Variants in SLC9A9 observed in about 807,000 individuals in gnomAD.
SLC9A9 encodes solute carrier family 9 member A9.
SLC9A9 carries 62 observed loss-of-function variants against 77.8 expected under a neutral mutation model. That is an observed-to-expected ratio of 0.80 (90% confidence interval 0.65 to 0.98). The LOEUF is 0.98. SLC9A9 is among the 50% of genes least tolerant of loss of function. SLC9A9 has a pLI of 0.00. For synonymous variants in SLC9A9, 320 were observed against 283.5 expected (o/e 1.13, Z -1.29); for missense variants, 775 against 774.9 (o/e 1.00, Z 0.00).
intron 6 of SLC9A9, among the ~76,000 whole-genome samples, chr3:143,581,310 C>T (rs2037448315): frequency 6.6e-6 from 1 of 152,108 alleles, no homozygotes; most frequent in Admixed American, 6.5e-5. Flanking sequence ...GGTGAGGCAG[C>T]ATTACTCAGA....
chr3:143,333,096 T>C (rs1257481487), intron 14 of SLC9A9, among the ~76,000 whole-genome samples: 1 of 152,182 alleles, frequency 6.6e-6, no homozygotes, highest in Non-Finnish European at 1.5e-5. Context: ...AACAAGGTCA[T>C]CCTTACCCAT....
chr3:143,351,690 C>T (rs899368252), intron 14 of SLC9A9, among the ~76,000 whole-genome samples: 1 of 152,042 alleles, frequency 6.6e-6, no homozygotes, highest in South Asian at 2.1e-4. Flanking sequence ...TCATCATAAA[C>T]TTGAATATAG....
At chr3:143,739,078 G>A (rs917907389) in intron 4 of SLC9A9, among the ~76,000 whole-genome samples, 4 of 152,114 alleles carry the variant, frequency 2.6e-5, no homozygotes, top group Admixed American at 2.6e-4. Context: ...CTGGGGTTGA[G>A]TGGTATAAGG....
chr3:143,542,857 T>C (rs1036284335), intron 9 of SLC9A9, among the ~76,000 whole-genome samples: 1 of 152,216 alleles, frequency 6.6e-6, no homozygotes, highest in Non-Finnish European at 1.5e-5. Flanking sequence ...CATAAACTTT[T>C]CATATAGACC....
At chr3:143,333,420 C>T in intron 14 of SLC9A9, among the ~76,000 whole-genome samples, 1 of 152,232 alleles carries the variant, frequency 6.6e-6, no homozygotes, top group Admixed American at 6.5e-5. Flanking sequence ...ATAGTATTCA[C>T]AGTAAACACT....
At chr3:143,464,317 T>C (rs558414251) in intron 12 of SLC9A9, among the ~76,000 whole-genome samples, 7 of 152,316 alleles carry the variant, frequency 4.6e-5, no homozygotes, top group African/African-American at 1.7e-4. Flanking sequence ...ACTATGAGTT[T>C]AAAGCCATAA....
At chr3:143,330,004 A>G (rs539928934) in intron 14 of SLC9A9, among the ~76,000 whole-genome samples, 1 of 152,316 alleles carries the variant, frequency 6.6e-6, no homozygotes, top group African/African-American at 2.4e-5. Context: ...TGGAAAAAAA[A>G]GAAAATGCTG....
At chr3:143,604,176 T>C (rs1328100389) in intron 6 of SLC9A9, among the ~76,000 whole-genome samples, 1 of 152,194 alleles carries the variant, frequency 6.6e-6, no homozygotes, top group Non-Finnish European at 1.5e-5. Context: ...TTTAAGAAAG[T>C]GATACAGTTT....
intron 9 of SLC9A9, chr3:143,517,664 G>T (rs937040801): frequency 7.5e-6 from 12 of 1,596,734 alleles, no homozygotes; most frequent in Admixed American, 1.7e-5. Flanking sequence ...GTGTGCTTTC[G>T]CCCGCCACTT....
intron 14 of SLC9A9, among the ~76,000 whole-genome samples, chr3:143,346,090 T>G (rs2032264531): frequency 6.6e-6 from 1 of 152,096 alleles, no homozygotes; most frequent in Non-Finnish European, 1.5e-5. Flanking sequence ...TTCCCTAGAC[T>G]TCGTAGGAGG....
At chr3:143,722,784 G>T (rs1222536437) in intron 4 of SLC9A9, among the ~76,000 whole-genome samples, 2 of 152,006 alleles carry the variant, frequency 1.3e-5, no homozygotes, top group African/African-American at 4.8e-5. Context: ...TTTCCAAGAT[G>T]ATTTTCTATT....
At chr3:143,271,289 A>T (rs1219417457) in intron 14 of SLC9A9, among the ~76,000 whole-genome samples, 1 of 152,232 alleles carries the variant, frequency 6.6e-6, no homozygotes, top group African/African-American at 2.4e-5. Flanking sequence ...ACTGAACAGT[A>T]TCACTTGGCT....
chr3:143,635,825 T>C (rs575300310), intron 6 of SLC9A9, among the ~76,000 whole-genome samples: 13 of 152,330 alleles, frequency 8.5e-5, no homozygotes, highest in Non-Finnish European at 1.8e-4. Flanking sequence ...CCATCTCTTG[T>C]TTAAGATTTC....
At chr3:143,454,542 A>G (rs2035056325) in intron 12 of SLC9A9, among the ~76,000 whole-genome samples, 1 of 152,090 alleles carries the variant, frequency 6.6e-6, no homozygotes, top group Non-Finnish European at 1.5e-5. Context: ...GCCTACGGAT[A>G]TTGTATTAGG....
chr3:143,396,326 C>T (rs978364290), intron 12 of SLC9A9, among the ~76,000 whole-genome samples: 2 of 147,388 alleles, frequency 1.4e-5, no homozygotes, highest in African/African-American at 5.0e-5. Flanking sequence ...GGAAACCATT[C>T]TCAGCAAACT....
chr3:143,760,354 G>C (rs895541647), intron 4 of SLC9A9, among the ~76,000 whole-genome samples: 1 of 152,108 alleles, frequency 6.6e-6, no homozygotes, highest in Non-Finnish European at 1.5e-5. Flanking sequence ...AGGGCAATCA[G>C]GTAGGAGAAA....
At chr3:143,741,755 T>C (rs1393552880) in intron 4 of SLC9A9, among the ~76,000 whole-genome samples, 1 of 152,156 alleles carries the variant, frequency 6.6e-6, no homozygotes, top group African/African-American at 2.4e-5. Context: ...ACGTCGGTGA[T>C]CTTCCCCCTA....
intron 2 of SLC9A9, among the ~76,000 whole-genome samples, chr3:143,830,924 C>G (rs1479799933): frequency 6.6e-6 from 1 of 152,002 alleles, no homozygotes; most frequent in Non-Finnish European, 1.5e-5. Flanking sequence ...TTTACTTTCC[C>G]AAGTCTGATT....
At chr3:143,596,308 G>A (rs993701341) in intron 6 of SLC9A9, among the ~76,000 whole-genome samples, 19 of 152,072 alleles carry the variant, frequency 1.2e-4, no homozygotes, top group Admixed American at 4.6e-4. Context: ...GTATGTGTGC[G>A]TGCACAAACA....
Sources: gnomAD v4.1 joint callset for allele counts (sites outside exome capture counted in the v4.1 genomes callset) on GRCh38, gnomAD v4.1.1 for gene constraint, MANE v1.5 for transcripts, NCBI Gene and HGNC (gene_info 2026-07-23, HGNC 2026-07-21) for gene names.